The following SCFD1 variants were observed in gnomAD, a reference collection of about 807,000 sequenced individuals.
SCFD1 encodes the protein sec1 family domain-containing protein 1.
Under a neutral mutation model 103.2 loss-of-function variants are expected in SCFD1, and 37 were observed. That is an observed-to-expected ratio of 0.36 (90% CI 0.28 to 0.47). The LOEUF (loss-of-function observed/expected upper bound fraction) is 0.47, where lower values mean the gene tolerates loss of function less well. SCFD1 is among the 20% of genes least tolerant of loss of function. SCFD1 has a pLI of 1.00. For missense variants in SCFD1, 639 were observed against 761.2 expected, an observed-to-expected ratio of 0.84 and a Z score of 1.89; for synonymous variants, 264 against 245.0, an observed-to-expected ratio of 1.08 and a Z score of -0.73.
chr14:30,670,241 A>T lies in SCFD1; in HGVS notation c.856-15A>T. The T allele has an allele frequency of 3.2e-6, 5 of 1,564,944 alleles. No individual in the cohort carries two copies. The highest frequency in any genetic ancestry group is 4.3e-6 in the Non-Finnish European group (5 of 1,157,916). ...TTAGAAAACAGTTGTTTAACACAAG[A>T]TTACTTTTTCCTAGGATTTCCATTT... is the stretch of plus-strand genomic sequence containing the variant. On this transcript the variant is annotated splice_polypyrimidine_tract_variant and intron_variant, in intron 10 of 24. Transcript: ENST00000458591.
At position 30,675,119 on chromosome 14, in the gene SCFD1, A is replaced by G; in HGVS notation, c.1242+54A>G. 7.4e-6 allele frequency: 7 copies of G among 947,862 alleles called. No homozygotes were observed. In the South Asian group the frequency reaches 1.3e-4, roughly 17 times the overall value. 58.7% of individuals were successfully genotyped at this position (947,862 alleles called of 1,614,324 possible). On this transcript the variant is annotated intron_variant, in intron 14 of 24. Transcript: ENST00000458591. Reference sequence around the variant, plus strand: ...ATGACTTGCATTTACATAGGGTTTTATACTTTGTAAGATGCTTTAGTATTC... The same window carrying G: ...ATGACTTGCATTTACATAGGGTTTTGTACTTTGTAAGATGCTTTAGTATTC...
In SCFD1 at chr14:30,702,273, A is replaced by T. The variant is rs981057480; in HGVS notation, c.1411-23A>T. On this transcript the variant is annotated intron_variant, in intron 16 of 24. Transcript: ENST00000458591. The stretch of plus-strand genomic sequence containing the variant: ...TTTCTTGAAAGTAAAATTTTTTGTC[A>T]TATAGTTCTTTTCTTATTTCAGGCT... 5 of 1,501,882 alleles carry T rather than the reference A, an allele frequency of 3.3e-6. No homozygotes were observed. The Admixed American group carries it at 8.1e-5, about 24-fold the overall frequency. The allele number at this position is 1,501,882 out of a possible 1,614,324, so 93.0% of individuals were successfully genotyped here.
rs1893726716 is a variant in SCFD1 at position 30,734,870 on chromosome 14, A to G, written c.1905+12A>G. On this transcript the variant is annotated intron_variant, in intron 24 of 24. Coordinates refer to ENST00000458591, the MANE Select transcript of SCFD1 (RefSeq NM_016106.4). Reference sequence around the variant, plus strand: ...AGTTCATAAAACAGGTAAAGTATACATTTGTTGTTTGTTTCTGTTAACATA... The same window carrying G: ...AGTTCATAAAACAGGTAAAGTATACGTTTGTTGTTTGTTTCTGTTAACATA... 1 of 1,597,592 alleles carries G rather than the reference A, an allele frequency of 6.3e-7. No individual in the cohort carries two copies.
At chr14:30,641,716 CTG>C (rs1396257204) in intron 6 of SCFD1, among the ~76,000 whole-genome samples, 2 of 151,588 alleles carry the variant, frequency 1.3e-5, no homozygotes, top group Admixed American at 6.6e-5. Context: ...CTTTTAGATT[CTG>C]TGTTGCCTGA....
chr14:30,700,823 A>C (rs1362483421), intron 16 of SCFD1, among the ~76,000 whole-genome samples: 2 of 152,250 alleles, frequency 1.3e-5, no homozygotes, highest in Admixed American at 1.3e-4. Flanking sequence ...ACTGAATTTC[A>C]GTGGCCAACA....
chr14:30,665,589 C>A (rs1843262546), intron 10 of SCFD1, among the ~76,000 whole-genome samples: 1 of 152,110 alleles, frequency 6.6e-6, no homozygotes, highest in African/African-American at 2.4e-5. Flanking sequence ...TTAAAAGACA[C>A]AGACTGGCAA....
chr14:30,682,157 G>A (rs1889537919), intron 14 of SCFD1, among the ~76,000 whole-genome samples: 1 of 152,164 alleles, frequency 6.6e-6, no homozygotes, highest in Non-Finnish European at 1.5e-5. Flanking sequence ...GAGAAAAAAT[G>A]CATATGTTTG....
At chr14:30,677,636 T>C (rs1376594493) in intron 14 of SCFD1, among the ~76,000 whole-genome samples, 2 of 151,968 alleles carry the variant, frequency 1.3e-5, no homozygotes, top group African/African-American at 4.8e-5. Context: ...CTTATAACTT[T>C]TCATAACTCT....
intron 6 of SCFD1, among the ~76,000 whole-genome samples, chr14:30,641,372 A>G (rs747538537): frequency 8.5e-5 from 13 of 152,160 alleles, no homozygotes; most frequent in Non-Finnish European, 1.8e-4. Flanking sequence ...GAGGTTATTG[A>G]TTAGCAGTTT....
intron 1 of SCFD1, among the ~76,000 whole-genome samples, chr14:30,622,990 A>G (rs1444652597): frequency 1.3e-5 from 2 of 152,230 alleles, no homozygotes; most frequent in Non-Finnish European, 2.9e-5. Flanking sequence ...TTTTAAAATA[A>G]TATTTTATCT....
At chr14:30,661,418 G>T (rs1887440555) in intron 10 of SCFD1, among the ~76,000 whole-genome samples, 1 of 152,108 alleles carries the variant, frequency 6.6e-6, no homozygotes, top group African/African-American at 2.4e-5. Context: ...GGACAGCTGT[G>T]CCATTATAAA....
intron 10 of SCFD1, among the ~76,000 whole-genome samples, chr14:30,654,448 C>T (rs1358825569): frequency 6.6e-6 from 1 of 152,152 alleles, no homozygotes; most frequent in African/African-American, 2.4e-5. Context: ...CCAAGGCAGG[C>T]GGATCACATG....
chr14:30,700,998 C>G (rs1282127551), intron 16 of SCFD1, among the ~76,000 whole-genome samples: 1 of 152,180 alleles, frequency 6.6e-6, no homozygotes, highest in Non-Finnish European at 1.5e-5. Context: ...CAGACTTCTT[C>G]TGGGTTAGAG....
chr14:30,674,820 G>A (rs1054811736), intron 13 of SCFD1, among the ~76,000 whole-genome samples, 164 bp from the exon 14 acceptor site: 3 of 152,204 alleles, frequency 2.0e-5, no homozygotes, highest in Non-Finnish European at 4.4e-5. Context: ...AATAAATACT[G>A]TAGGTGTTCA....
At chr14:30,643,558 C>T (rs1356894821) in intron 7 of SCFD1, among the ~76,000 whole-genome samples, 153 bp downstream of exon 7, 2 of 152,146 alleles carry the variant, frequency 1.3e-5, no homozygotes, top group African/African-American at 4.8e-5. Context: ...TATATAAAAA[C>T]AATTCTTCCA....
At chr14:30,675,494 A>T (rs1320118381) in intron 14 of SCFD1, among the ~76,000 whole-genome samples, 2 of 152,220 alleles carry the variant, frequency 1.3e-5, no homozygotes, top group Non-Finnish European at 2.9e-5. Context: ...ATCTGTTAAC[A>T]TTGAAGCTTC....
intron 17 of SCFD1, among the ~76,000 whole-genome samples, chr14:30,704,178 A>T (rs1391126783): frequency 6.6e-6 from 1 of 151,730 alleles, no homozygotes; most frequent in Non-Finnish European, 1.5e-5. Context: ...TATACATATG[A>T]CAGATTTTTT....
chr14:30,711,692 T>C lies in SCFD1; in HGVS notation c.1629+3627T>C, dbSNP rs114105148. ...CAGAAGAGAATAAATCACTGTTAAT[T>C]ATGTAATATTATAACTTATAAATTA... On this transcript the variant is annotated intron_variant, in intron 19 of 24. Coordinates refer to ENST00000458591, the MANE Select transcript of SCFD1 (RefSeq NM_016106.4). Among the ~76,000 whole-genome samples the C allele has an allele frequency of 4.7e-3, 719 of 152,234 alleles. 8 individuals are homozygous for C. The highest frequency in any genetic ancestry group is 0.016 in the African/African-American group (665 of 41,550).
chr14:30,727,636 C>T (rs1031507252), intron 23 of SCFD1, among the ~76,000 whole-genome samples: 1 of 152,094 alleles, frequency 6.6e-6, no homozygotes, highest in Non-Finnish European at 1.5e-5. Flanking sequence ...AATAATGTTA[C>T]CTTTCTTTTT....
Sources: gnomAD v4.1 joint callset for allele counts (sites outside exome capture counted in the v4.1 genomes callset) on GRCh38, gnomAD v4.1.1 for gene constraint, MANE v1.5 for transcripts, NCBI Gene and HGNC (gene_info 2026-07-23, HGNC 2026-07-21) for gene names.